Variants in SCN7A observed in about 807,000 individuals in gnomAD.
SCN7A encodes sodium voltage-gated channel alpha subunit 7.
A neutral mutation model predicts 155.2 loss-of-function variants in SCN7A; 138 were observed. The ratio of observed to expected loss-of-function variants is 0.89; its 90% CI spans 0.77 to 1.02. The LOEUF (loss-of-function observed/expected upper bound fraction) is 1.02, where lower values mean the gene tolerates loss of function less well. Among genes scored for constraint, SCN7A ranks in the 50% least tolerant of loss-of-function variants. SCN7A has a pLI of 0.00. For synonymous variants in SCN7A, 693 were observed against 649.0 expected (o/e 1.07, Z -1.03); for missense variants, 2,058 against 1,986.6 (o/e 1.04, Z -0.68).
chr2:166,415,372 G>A (rs1014081233), intron 21 of SCN7A, among the ~76,000 whole-genome samples: 1 of 151,704 alleles, frequency 6.6e-6, no homozygotes, highest in Non-Finnish European at 1.5e-5. Context: ...CTACAGGTAT[G>A]CGACACTCCA....
At chr2:166,474,732 C>T (rs1442495690) in intron 3 of SCN7A, among the ~76,000 whole-genome samples, 1 of 151,322 alleles carries the variant, frequency 6.6e-6, no homozygotes, top group Non-Finnish European at 1.5e-5. Context: ...GTTAAAAGTT[C>T]GATTTTATTT....
intron 23 of SCN7A, 150 bp from the exon 24 acceptor site, chr2:166,410,474 C>G: frequency 1.7e-6 from 1 of 580,312 alleles, no homozygotes; most frequent in South Asian, 2.5e-5. Flanking sequence ...TTGAACATGT[C>G]TGACTTTCTG....
intron 2 of SCN7A, among the ~76,000 whole-genome samples, chr2:166,484,425 T>C (rs1309581221): frequency 1.3e-5 from 2 of 151,792 alleles, no homozygotes; most frequent in African/African-American, 2.4e-5. Flanking sequence ...GTATATATAG[T>C]ATATGGTTAT....
At chr2:166,464,100 T>C (rs1702471992) in intron 9 of SCN7A, among the ~76,000 whole-genome samples, 1 of 151,676 alleles carries the variant, frequency 6.6e-6, no homozygotes, top group African/African-American at 2.4e-5. Flanking sequence ...TATGTATATA[T>C]ATACGACATA....
In SCN7A at chr2:166,447,637, TTCCAACACATCCAATGA is replaced by T; in HGVS notation, c.1345_1361del (p.Ser449ArgfsTer7). On this transcript the variant is annotated frameshift_variant, in exon 12 of 26. Transcript: ENST00000643258. LOFTEE classifies it high-confidence loss of function. ...CTTCCTTATGTCTGAGAGTAGCATC[TTCCAACACATCCAATGA>T]TGTGTCTGTGGAAATTGGTGACCTT... 1 of 1,611,602 alleles carries T rather than the reference TTCCAACACATCCAATGA, an allele frequency of 6.2e-7. No homozygotes were observed. Among genetic ancestry groups the T allele is most frequent in the Non-Finnish European group, 8.5e-7 (1 of 1,177,912 alleles).
chr2:166,477,095 A>C (rs1702815843), intron 3 of SCN7A, among the ~76,000 whole-genome samples: 1 of 152,024 alleles, frequency 6.6e-6, no homozygotes, highest in Non-Finnish European at 1.5e-5. Flanking sequence ...TAAGTTCATC[A>C]TATTGAACAT....
chr2:166,457,785 A>C (rs905651158), intron 10 of SCN7A, among the ~76,000 whole-genome samples: 1 of 152,248 alleles, frequency 6.6e-6, no homozygotes, highest in Non-Finnish European at 1.5e-5. Flanking sequence ...AAAGATTTAA[A>C]AAATTATAAG....
Position 166,475,945 on chromosome 2 carries a change from A to T in SCN7A, c.234+1518T>A, listed in dbSNP as rs192944633. 1.1e-4 allele frequency among the ~76,000 whole-genome samples: 16 copies of T among 152,034 alleles called. No individual in the cohort carries two copies. In the East Asian group the frequency reaches 2.7e-3, roughly 26 times the overall value. ...CAAAATCTTTGGTTTTGTCTTCAAT[A>T]ACAGAACTAGCACTTTGCCAGCCAT... is the stretch of plus-strand genomic sequence containing the variant. On this transcript the variant is annotated intron_variant, in intron 3 of 25. Transcript: ENST00000643258.
At chr2:166,472,756 A>T (rs1412521377) in intron 5 of SCN7A, among the ~76,000 whole-genome samples, 2 of 151,876 alleles carry the variant, frequency 1.3e-5, no homozygotes, top group Admixed American at 1.3e-4. Context: ...TTATTACTGT[A>T]GCCATGTAGT....
rs1421045702 is a variant in SCN7A, at chr2:166,444,310, G to T, written c.1626+452C>A. On this transcript the variant is annotated intron_variant, in intron 13 of 25. Coordinates refer to ENST00000643258, the MANE Select transcript of SCN7A (RefSeq NM_002976.4). ...ATCTCAAAAATACCAGGCTAAAATG[G>T]TAAGTTCCAATCCTGGGCAAAGATA... 4.6e-5 allele frequency among the ~76,000 whole-genome samples: 7 copies of T among 152,264 alleles called. No homozygotes were observed. In the East Asian group the frequency reaches 1.4e-3, roughly 29 times the overall value.
chr2:166,473,026 G>C (rs534379411), intron 5 of SCN7A, among the ~76,000 whole-genome samples: 2 of 151,892 alleles, frequency 1.3e-5, no homozygotes, highest in East Asian at 3.9e-4. Context: ...TTGGAGGTTA[G>C]AGGGTGGGAG....
At chr2:166,475,202 T>A (rs1157068140) in intron 3 of SCN7A, among the ~76,000 whole-genome samples, 1 of 146,338 alleles carries the variant, frequency 6.8e-6, no homozygotes, top group Non-Finnish European at 1.5e-5. Flanking sequence ...GGAAAAAAAA[T>A]CTTATTGTGG....
At chr2:166,414,223 A>AAT (rs1553513725) in intron 21 of SCN7A, among the ~76,000 whole-genome samples, 1 of 90,710 alleles carries the variant, frequency 1.1e-5, no homozygotes, top group Non-Finnish European at 2.0e-5. Context: ...AATATATATA[A>AAT]ATATATATAT....
chr2:166,491,907 T>C (rs1043679988), intron 1 of SCN7A, among the ~76,000 whole-genome samples: 8 of 151,996 alleles, frequency 5.3e-5, no homozygotes, highest in African/African-American at 1.9e-4. Context: ...AGGCAGTAGG[T>C]AGATGGTGAG....
intron 3 of SCN7A, among the ~76,000 whole-genome samples, chr2:166,476,994 A>G (rs966523673): frequency 1.3e-5 from 2 of 152,088 alleles, no homozygotes; most frequent in African/African-American, 4.8e-5. Context: ...GCCTAAAGTC[A>G]TTCTGGAGAT....
At chr2:166,456,131 C>T (rs931003012) in intron 11 of SCN7A, among the ~76,000 whole-genome samples, 1 of 152,122 alleles carries the variant, frequency 6.6e-6, no homozygotes, top group Non-Finnish European at 1.5e-5. Flanking sequence ...ACCGCATGTT[C>T]TCACTCATAA....
At chr2:166,440,389 A>C (rs910641529) in intron 15 of SCN7A, among the ~76,000 whole-genome samples, 1 of 152,170 alleles carries the variant, frequency 6.6e-6, no homozygotes. Flanking sequence ...CAGTGTTACA[A>C]TGTAGATTAC....
At chr2:166,410,785 T>A (rs367631617) in intron 23 of SCN7A, among the ~76,000 whole-genome samples, 4 of 152,032 alleles carry the variant, frequency 2.6e-5, no homozygotes, top group Non-Finnish European at 5.9e-5. Flanking sequence ...CAGAAGAGTT[T>A]TTTTTACTAT....
chr2:166,440,014 T>C (rs1701924594), intron 15 of SCN7A, among the ~76,000 whole-genome samples: 2 of 152,198 alleles, frequency 1.3e-5, no homozygotes, highest in African/African-American at 4.8e-5. Flanking sequence ...GTAAGAATCA[T>C]GTTTTAATAA....
Sources: gnomAD v4.1 joint callset for allele counts (sites outside exome capture counted in the v4.1 genomes callset) on GRCh38, gnomAD v4.1.1 for gene constraint, MANE v1.5 for transcripts, NCBI Gene and HGNC (gene_info 2026-07-23, HGNC 2026-07-21) for gene names.